THSD7B: variants seen among roughly 807,000 people sequenced by gnomAD.
THSD7B encodes the protein thrombospondin type 1 domain containing 7B, also known as thrombospondin type-1 domain-containing protein 7B.
THSD7B carries 138 observed loss-of-function variants against 213.6 expected under a neutral mutation model. That is an observed-to-expected ratio of 0.65 (90% CI 0.56 to 0.74). The LOEUF (loss-of-function observed/expected upper bound fraction) is 0.74. THSD7B is among the 30% of genes least tolerant of loss of function. THSD7B has a pLI of 0.00. For missense variants in THSD7B, 1,931 were observed against 1,991.5 expected (o/e 0.97, Z 0.58); for synonymous variants, 742 against 687.0 (o/e 1.08, Z -1.25).
intron 21 of THSD7B, among the ~76,000 whole-genome samples, chr2:137,654,344 T>G (rs1483499572): frequency 6.6e-6 from 1 of 152,140 alleles, no homozygotes. Flanking sequence ...GGTATCTCCT[T>G]TGGATGAATT....
intron 2 of THSD7B, among the ~76,000 whole-genome samples, chr2:136,946,346 T>C (rs1008914153): frequency 6.6e-6 from 1 of 152,096 alleles, no homozygotes; most frequent in Non-Finnish European, 1.5e-5. Context: ...CGATCCTTCC[T>C]CTGGAAGGTT....
At chr2:137,166,716 A>G (rs562629276) in intron 6 of THSD7B, among the ~76,000 whole-genome samples, 9 of 152,346 alleles carry the variant, frequency 5.9e-5, no homozygotes, top group African/African-American at 1.9e-4. Context: ...GATGTTACAT[A>G]CCAAAAATGG....
At chr2:136,964,691 T>A (rs4954453) in intron 2 of THSD7B, among the ~76,000 whole-genome samples, 70,606 of 151,978 alleles carry the variant, frequency 0.46, 19,178 homozygotes, top group East Asian at 0.78. Flanking sequence ...TCATCTCATT[T>A]CTCTTCTTCT....
chr2:137,282,234 C>A (rs1683040938), intron 12 of THSD7B, among the ~76,000 whole-genome samples: 1 of 151,934 alleles, frequency 6.6e-6, no homozygotes, highest in Admixed American at 6.6e-5. Context: ...GTCCTTTGCC[C>A]ACTTGTTGAT....
intron 6 of THSD7B, among the ~76,000 whole-genome samples, chr2:137,168,174 G>A (rs1573864444): frequency 6.6e-6 from 1 of 152,262 alleles, no homozygotes; most frequent in South Asian, 2.1e-4. Context: ...CCCTTGTTAG[G>A]TTTTATGCTT....
chr2:137,039,503 A>G (rs1027133166), intron 2 of THSD7B, among the ~76,000 whole-genome samples: 1 of 152,204 alleles, frequency 6.6e-6, no homozygotes, highest in Non-Finnish European at 1.5e-5. Flanking sequence ...AACTCTTTAC[A>G]ACAACTATCT....
chr2:136,976,878 C>T (rs1243872838), intron 2 of THSD7B, among the ~76,000 whole-genome samples: 2 of 152,176 alleles, frequency 1.3e-5, no homozygotes. Flanking sequence ...GCCTCGGCCT[C>T]CCAAAGTGCT....
At chr2:137,584,957 G>A (rs7368923) in intron 17 of THSD7B, among the ~76,000 whole-genome samples, 19,674 of 151,970 alleles carry the variant, frequency 0.13, 1,424 homozygotes, top group South Asian at 0.22. Context: ...CTGTGAATCC[G>A]TCTGGTCCTG....
At chr2:136,806,592 C>G (rs563528901) in intron 1 of THSD7B, among the ~76,000 whole-genome samples, 2 of 152,112 alleles carry the variant, frequency 1.3e-5, no homozygotes, top group Non-Finnish European at 2.9e-5. Flanking sequence ...AGGAGAGATG[C>G]GAAGATAGTA....
intron 3 of THSD7B, among the ~76,000 whole-genome samples, chr2:137,058,083 A>G (rs1687203071): frequency 6.6e-6 from 1 of 152,212 alleles, no homozygotes; most frequent in African/African-American, 2.4e-5. Context: ...CATTCTCATC[A>G]GTTGCTGCCT....
rs139660098 is a variant in THSD7B, at chr2:137,389,560, A to G, written c.2501-16053A>G. 5.3e-3 allele frequency among the ~76,000 whole-genome samples: 792 copies of G among 150,614 alleles called. 4 individuals are homozygous for G. The highest frequency in any genetic ancestry group is 0.016 in the African/African-American group (662 of 41,070). On this transcript the variant is annotated intron_variant, in intron 12 of 27. Coordinates refer to ENST00000409968, the MANE Select transcript of THSD7B (RefSeq NM_001316349.2). ...TGATTGTTTTCTTTGCTGTGCAGAAACTTTTTATTTTACTATAGTCCCATT... is the reference window on the plus strand; with the variant it reads ...TGATTGTTTTCTTTGCTGTGCAGAAGCTTTTTATTTTACTATAGTCCCATT...
At chr2:137,508,261 T>C (rs1679880353) in intron 15 of THSD7B, among the ~76,000 whole-genome samples, 1 of 152,220 alleles carries the variant, frequency 6.6e-6, no homozygotes, top group African/African-American at 2.4e-5. Context: ...TTGCTGTGTT[T>C]TATAAACAGG....
intron 15 of THSD7B, among the ~76,000 whole-genome samples, chr2:137,458,159 C>T (rs1390015199): frequency 6.6e-6 from 1 of 152,050 alleles, no homozygotes; most frequent in African/African-American, 2.4e-5. Flanking sequence ...TAAGAAGGAG[C>T]ATTGTTGTGA....
chr2:137,169,183 A>AT (rs919515134), intron 6 of THSD7B, among the ~76,000 whole-genome samples: 1 of 148,166 alleles, frequency 6.7e-6, no homozygotes, highest in Admixed American at 6.7e-5. Context: ...AAAAAAAAAA[A>AT]CTCAAAGCAC....
intron 17 of THSD7B, among the ~76,000 whole-genome samples, chr2:137,615,431 G>C (rs992306654): frequency 6.6e-6 from 1 of 152,192 alleles, no homozygotes; most frequent in Non-Finnish European, 1.5e-5. Context: ...GTTCGAGTAG[G>C]AGGAGCTTGA....
At chr2:137,659,317 C>A (rs1180469475) in intron 24 of THSD7B, among the ~76,000 whole-genome samples, 1 of 152,114 alleles carries the variant, frequency 6.6e-6, no homozygotes, top group South Asian at 2.1e-4. Context: ...AGTATTCCAG[C>A]AGATATGTTT....
At chr2:137,310,221 C>T (rs372111814) in intron 12 of THSD7B, among the ~76,000 whole-genome samples, 4 of 152,096 alleles carry the variant, frequency 2.6e-5, no homozygotes, top group African/African-American at 4.8e-5. Flanking sequence ...TGTTATCTCA[C>T]TGTGGTTTTG....
chr2:137,424,911 A>T (rs1352770623), intron 14 of THSD7B, among the ~76,000 whole-genome samples: 1 of 151,800 alleles, frequency 6.6e-6, no homozygotes, highest in African/African-American at 2.4e-5. Context: ...CTCTACTAAA[A>T]ATACAAAAAA....
At chr2:137,216,462 A>G (rs1275083643) in intron 7 of THSD7B, among the ~76,000 whole-genome samples, 4 of 152,086 alleles carry the variant, frequency 2.6e-5, no homozygotes, top group Non-Finnish European at 5.9e-5. Flanking sequence ...TAGTTTTGAC[A>G]GGCTTGAGAT....
Sources: allele counts gnomAD v4.1 joint callset (sites outside exome capture counted in the v4.1 genomes callset), GRCh38; gene constraint gnomAD v4.1.1; transcripts MANE v1.5; gene names NCBI Gene and HGNC (gene_info 2026-07-23, HGNC 2026-07-21).